HTT: variants seen among roughly 807,000 people sequenced by gnomAD.
HTT encodes the protein huntingtin.
Under a neutral mutation model 362.3 loss-of-function variants are expected in HTT, and 104 were observed. The ratio of observed to expected loss-of-function variants is 0.29; its 90% confidence interval spans 0.24 to 0.34. The LOEUF (loss-of-function observed/expected upper bound fraction) is 0.34, where lower values mean the gene tolerates loss of function less well. HTT is among the 10% of genes least tolerant of loss of function. The pLI is 1.00. For synonymous variants in HTT, 1,577 were observed against 1,548.7 expected (o/e 1.02, Z -0.43); for missense variants, 3,301 against 3,928.6 (o/e 0.84, Z 4.27).
intron 26 of HTT, among the ~76,000 whole-genome samples, chr4:3,149,927 T>C (rs1034018548): frequency 6.6e-6 from 1 of 152,246 alleles, no homozygotes; most frequent in Non-Finnish European, 1.5e-5. Flanking sequence ...ATCATGTCTT[T>C]ACATCTCTGG....
chr4:3,103,777 C>G, intron 3 of HTT, 47 bp from the exon 4 acceptor site: 1 of 1,186,638 alleles, frequency 8.4e-7, no homozygotes, highest in Non-Finnish European at 1.2e-6. Context: ...CGTTTTAGAA[C>G]TAGTGATGGG....
At position 3,103,923 on chromosome 4, in the gene HTT, T is replaced by A. The variant is rs953190188; in HGVS notation, c.528+40T>A. 8 of 1,200,504 alleles carry A rather than the reference T, an allele frequency of 6.7e-6. No homozygotes were observed. In the African/African-American group the frequency reaches 1.1e-4, roughly 16 times the overall value. 74.4% of individuals were successfully genotyped at this position (1,200,504 alleles called of 1,614,324 possible). A position where few individuals can be genotyped will look rare whatever the true frequency, so the allele number is the denominator to read the frequency against. On this transcript the variant is annotated intron_variant, in intron 4 of 66. Coordinates refer to ENST00000355072, the MANE Select transcript of HTT (RefSeq NM_001388492.1). ...TCTTTTTTAAAAATGTTTTAAATTT[T>A]AAATTTTTATAGGTACACGTATTTT...
chr4:3,141,712 A>C (rs796918802), intron 22 of HTT, among the ~76,000 whole-genome samples: 11 of 152,360 alleles, frequency 7.2e-5, no homozygotes, highest in African/African-American at 2.4e-4. Context: ...CAGTGAGCCA[A>C]GATTGTGCCA....
In HTT at chr4:3,212,069, T is replaced by C; in HGVS notation, c.6555T>C (p.Ala2185=). 2 of 1,614,230 alleles carry C rather than the reference T, an allele frequency of 1.2e-6. No homozygotes were observed. The highest frequency in any genetic ancestry group is 2.2e-5 in the South Asian group (2 of 91,086). The change falls in exon 48 of 67, where the codon GCT becomes GCC. Residue 2185 remains alanine, a synonymous_variant. Transcript: ENST00000355072. The stretch of plus-strand genomic sequence containing the variant: ...GCGGCACCGTGCAGCAGCTCCCTGC[T>C]GTCCATCATGTCTTCCAGCCCGAGC... ...RVSGTVQQLP[A]VHHVFQPELP... is the part of the protein sequence containing the mutation.
At chr4:3,081,045 T>A (rs1337251240) in intron 1 of HTT, among the ~76,000 whole-genome samples, 2 of 152,240 alleles carry the variant, frequency 1.3e-5, no homozygotes, top group South Asian at 4.1e-4. Context: ...TTGTTCCTTT[T>A]CAAGATTGAT....
intron 2 of HTT, among the ~76,000 whole-genome samples, chr4:3,088,414 C>T (rs1453646561): frequency 7.1e-6 from 1 of 141,488 alleles, no homozygotes; most frequent in East Asian, 2.2e-4. Context: ...GACCTCATGA[C>T]CCGCTCAACT....
At chr4:3,176,025 G>GTTTTTTTTTTTTTTTTT (rs777646822) in intron 33 of HTT, among the ~76,000 whole-genome samples, 4 of 139,202 alleles carry the variant, frequency 2.9e-5, no homozygotes, top group African/African-American at 1.2e-4. Flanking sequence ...GTTGTTGTTT[G>GTTTTTTTTTTTTTTTTT]TTTTTTTTTG....
At chr4:3,093,905 GTTTTTTTTTTTT>G (rs67455911) in intron 2 of HTT, among the ~76,000 whole-genome samples, 4 of 23,898 alleles carry the variant, frequency 1.7e-4, no homozygotes, top group Non-Finnish European at 2.1e-4. Flanking sequence ...CTTTAAGTTG[GTTTTTTTTTTTT>G]TTTTTTTTTT....
chr4:3,080,076 G>A (rs1378719611), intron 1 of HTT, among the ~76,000 whole-genome samples: 1 of 151,950 alleles, frequency 6.6e-6, no homozygotes, highest in African/African-American at 2.4e-5. Flanking sequence ...TCAACAATAA[G>A]TTAAGGAACC....
Position 3,174,961 on chromosome 4 carries a change from C to T in HTT, c.4261C>T (p.His1421Tyr), listed in dbSNP as rs1718169994. The T allele has an allele frequency of 3.1e-6, 5 of 1,596,682 alleles. No homozygotes were observed. The highest frequency in any genetic ancestry group is 4.3e-6 in the Non-Finnish European group (5 of 1,167,960). Residue 1421 changes from histidine to tyrosine, a missense_variant, in exon 33 of 67, where the codon CAC becomes TAC. His to Tyr is a moderately conservative substitution (Grantham distance 83, BLOSUM62 2). Coordinates refer to ENST00000355072, the MANE Select transcript of HTT (RefSeq NM_001388492.1). ...NRADKNAIHN[H>Y]IRLFEPLVIK... ...TTTTTTATAGAATGCTATTCATAATCACATTCGTTTGTTTGAACCTCTTGT... is the reference window on the plus strand; with the variant it reads ...TTTTTTATAGAATGCTATTCATAATTACATTCGTTTGTTTGAACCTCTTGT...
intron 1 of HTT, among the ~76,000 whole-genome samples, chr4:3,086,493 C>T (rs1248803727): frequency 6.6e-6 from 1 of 152,084 alleles, no homozygotes; most frequent in Non-Finnish European, 1.5e-5. Flanking sequence ...CATCGTGAGG[C>T]CCCGTCTCTA....
intron 15 of HTT, 23 bp from the exon 16 acceptor site, chr4:3,131,605 AGGCTGAAGGT>A: frequency 6.2e-7 from 1 of 1,607,568 alleles, no homozygotes; most frequent in Non-Finnish European, 8.5e-7. Context: ...CTGTTGTTTG[AGGCTGAAGGT>A]GGCTTGGGTG....
rs1316313670 is a variant in HTT at position 3,107,434 on chromosome 4, T to G, written c.747+11T>G. On this transcript the variant is annotated intron_variant, in intron 6 of 66. Transcript: ENST00000355072. ...GACAATGAAATTAAGGTATGATTGT[T>G]GCCTCAGGTCACAAACATGCGAGTG... is the stretch of plus-strand genomic sequence containing the variant. 2.5e-6 allele frequency: 4 copies of G among 1,613,922 alleles called. No individual in the cohort carries two copies. The highest frequency in any genetic ancestry group is 3.4e-6 in the Non-Finnish European group (4 of 1,179,906).
At chr4:3,130,991 C>G (rs1431776521) in intron 14 of HTT, among the ~76,000 whole-genome samples, 2 of 152,050 alleles carry the variant, frequency 1.3e-5, no homozygotes, top group Admixed American at 6.5e-5. Flanking sequence ...GCTTCTGCAG[C>G]AGCCGTTCCT....
chr4:3,108,232 A>C (rs1378290849), intron 6 of HTT, among the ~76,000 whole-genome samples: 2 of 152,216 alleles, frequency 1.3e-5, no homozygotes, highest in South Asian at 2.1e-4. Context: ...TGCTCTTATT[A>C]GCTGAATGAT....
intron 39 of HTT, 24 bp from the exon 40 acceptor site, chr4:3,188,927 G>A (rs781318210): frequency 1.2e-6 from 2 of 1,611,692 alleles, no homozygotes; most frequent in Admixed American, 1.7e-5. Context: ...CTAATTCACT[G>A]TCATCTTTTT....
chr4:3,210,001 C>CA (rs751778898), intron 47 of HTT, 52 bp downstream of exon 47: 1 of 1,598,722 alleles, frequency 6.3e-7, no homozygotes, highest in Non-Finnish European at 8.5e-7. Context: ...TTGTGACTTC[C>CA]AAGTGGGATT....
intron 40 of HTT, among the ~76,000 whole-genome samples, chr4:3,190,834 C>G (rs1718980329): frequency 6.6e-6 from 1 of 152,196 alleles, no homozygotes; most frequent in African/African-American, 2.4e-5. Flanking sequence ...GAATGCTTTG[C>G]TTTAAATAAA....
intron 2 of HTT, among the ~76,000 whole-genome samples, chr4:3,094,684 C>T (rs1219737400): frequency 3.9e-5 from 5 of 127,948 alleles, no homozygotes; most frequent in South Asian, 2.2e-4. Flanking sequence ...CCCCACCTCC[C>T]GGACGGGGCG....
Sources: allele counts gnomAD v4.1 joint callset (sites outside exome capture counted in the v4.1 genomes callset), GRCh38; gene constraint gnomAD v4.1.1; transcripts MANE v1.5; gene names NCBI Gene and HGNC (gene_info 2026-07-23, HGNC 2026-07-21).